The following ENTREP1 variants were observed in gnomAD, a reference collection of about 807,000 sequenced individuals.
ENTREP1 encodes the protein endosomal transmembrane epsin interactor 1, also known as Friedreich ataxia region gene X123.
At chr9:69,340,749 G>T in the ENTREP1 span, among the ~76,000 whole-genome samples, 149 of 115,968 alleles carry the variant, frequency 1.3e-3, 2 homozygotes, top group African/African-American at 4.2e-3. Flanking sequence ...GTGTGTGTTT[G>T]TGTGTGTGCG....
the ENTREP1 span, among the ~76,000 whole-genome samples, chr9:69,343,807 GT>G: frequency 1.3e-5 from 2 of 152,174 alleles, no homozygotes; most frequent in Non-Finnish European, 2.9e-5. Context: ...GTTGGGTGTT[GT>G]TGGGAGATAA....
At chr9:69,355,395 T>C in the ENTREP1 span, among the ~76,000 whole-genome samples, 1 of 152,190 alleles carries the variant, frequency 6.6e-6, no homozygotes, top group South Asian at 2.1e-4. Flanking sequence ...GTTAGAATAT[T>C]TCAAATGTCA....
chr9:69,325,568 C>T, the ENTREP1 span: 5 of 1,218,006 alleles, frequency 4.1e-6, no homozygotes, highest in Non-Finnish European at 5.1e-6. Flanking sequence ...CGCCGCGGCC[C>T]CGGGCTCCGC....
At chr9:69,351,550 G>A in the ENTREP1 span, among the ~76,000 whole-genome samples, 6 of 152,152 alleles carry the variant, frequency 3.9e-5, no homozygotes, top group African/African-American at 1.4e-4. Context: ...TGGAGTAGCT[G>A]GGACTACAGA....
At chr9:69,341,822 C>T in the ENTREP1 span, among the ~76,000 whole-genome samples, 1 of 151,956 alleles carries the variant, frequency 6.6e-6, no homozygotes, top group African/African-American at 2.4e-5. Context: ...GAAATGAACC[C>T]TTGTTTGATG....
At chr9:69,330,960 A>G in the ENTREP1 span, among the ~76,000 whole-genome samples, 120,004 of 152,076 alleles carry the variant, frequency 0.79, 47,464 homozygotes, top group South Asian at 0.83. Flanking sequence ...TCAAAGTAAA[A>G]TGAACAGGCC....
chr9:69,336,119 T>C, the ENTREP1 span: 7 of 608,818 alleles, frequency 1.1e-5, no homozygotes, highest in Non-Finnish European at 1.9e-5. Context: ...TGCTTTGAAA[T>C]TTCAGTATCT....
the ENTREP1 span, chr9:69,383,217 A>G: frequency 1.4e-6 from 1 of 729,562 alleles, no homozygotes; most frequent in South Asian, 6.1e-5. Context: ...ATTCAGTAGC[A>G]TTTAGTGCAT....
the ENTREP1 span, chr9:69,386,128 T>C: frequency 6.3e-6 from 3 of 477,026 alleles, no homozygotes; most frequent in African/African-American, 2.0e-5. Flanking sequence ...ATATCTACCA[T>C]GTCTTTTAAG....
At chr9:69,391,683 G>T in the ENTREP1 span, 1 of 1,614,130 alleles carries the variant, frequency 6.2e-7, no homozygotes, top group East Asian at 2.2e-5. Flanking sequence ...CACCTCCAGA[G>T]CTGCGGCGAC....
chr9:69,359,800 A>G, the ENTREP1 span, among the ~76,000 whole-genome samples: 1 of 152,120 alleles, frequency 6.6e-6, no homozygotes, highest in African/African-American at 2.4e-5. Flanking sequence ...AAGGAGAAGG[A>G]AAAAAGTACT....
the ENTREP1 span, chr9:69,325,305 C>CG: frequency 8.5e-7 from 1 of 1,181,568 alleles, no homozygotes; most frequent in Non-Finnish European, 1.0e-6. Flanking sequence ...CTTCCCCGTC[C>CG]GTCCATGTCC....
the ENTREP1 span, among the ~76,000 whole-genome samples, chr9:69,351,490 C>A: frequency 6.6e-6 from 1 of 152,312 alleles, no homozygotes; most frequent in East Asian, 1.9e-4. Flanking sequence ...GATCTCGGCT[C>A]TCTACAACCT....
chr9:69,330,688 A>G, the ENTREP1 span, among the ~76,000 whole-genome samples: 1 of 152,242 alleles, frequency 6.6e-6, no homozygotes, highest in Admixed American at 6.5e-5. Context: ...TATTTAAACT[A>G]TAATTTTGGG....
the ENTREP1 span, chr9:69,377,750 GT>G: frequency 6.2e-7 from 1 of 1,606,512 alleles, no homozygotes; most frequent in Non-Finnish European, 8.5e-7. Flanking sequence ...CGCAGGTATC[GT>G]TCCTGAGTTC....
chr9:69,350,315 C>T, the ENTREP1 span, among the ~76,000 whole-genome samples: 1 of 121,142 alleles, frequency 8.3e-6, no homozygotes, highest in Non-Finnish European at 1.7e-5. Context: ...TGCCCCAGCA[C>T]CATTTGTTAG....
the ENTREP1 span, chr9:69,325,454 G>T: frequency 2.1e-6 from 2 of 939,822 alleles, no homozygotes; most frequent in Non-Finnish European, 2.5e-6. Flanking sequence ...GCCCCGGGGC[G>T]CGCTGCAGCC....
chr9:69,348,052 TTTTC>T, the ENTREP1 span, among the ~76,000 whole-genome samples: 3 of 152,182 alleles, frequency 2.0e-5, no homozygotes, highest in Non-Finnish European at 4.4e-5. Context: ...TAAATGATTC[TTTTC>T]TTTCTTTCTT....
At chr9:69,377,587 C>G in the ENTREP1 span, 2 of 1,612,832 alleles carry the variant, frequency 1.2e-6, no homozygotes, top group Non-Finnish European at 1.7e-6. Context: ...AGGCTGTTGA[C>G]TAACTGAGCT....
Sources: allele counts gnomAD v4.1 joint callset (sites outside exome capture counted in the v4.1 genomes callset), GRCh38; gene constraint gnomAD v4.1.1; transcripts MANE v1.5; gene names NCBI Gene and HGNC (gene_info 2026-07-23, HGNC 2026-07-21).